The following MBNL2 variants were observed in gnomAD, a reference collection of about 807,000 sequenced individuals.
The protein encoded by MBNL2 is muscleblind like splicing regulator 2, also known as muscleblind-like protein 2.
In MBNL2, 17 loss-of-function variants were observed where a neutral mutation model predicts 41.9. That is an observed-to-expected ratio of 0.41 (90% CI 0.28 to 0.61). MBNL2 has a LOEUF of 0.61. Ranked by LOEUF, MBNL2 falls within the 20% of genes least tolerant of loss-of-function variation. The pLI is 0.35. For missense variants in MBNL2, 336 were observed against 505.6 expected, an observed-to-expected ratio of 0.66 and a Z score of 3.22; for synonymous variants, 195 against 182.9, an observed-to-expected ratio of 1.07 and a Z score of -0.53.
the MBNL2 span, among the ~76,000 whole-genome samples, chr13:97,207,552 C>A: frequency 6.6e-6 from 1 of 152,268 alleles, no homozygotes; most frequent in South Asian, 2.1e-4. Context: ...GTCATGAGAA[C>A]AGCACGGGAA....
At position 97,393,057 on chromosome 13, in the gene MBNL2, G is replaced by A. The variant is rs1438945341; in HGVS notation, c.*1608G>A. The A allele has an allele frequency of 1.3e-5, 2 of 152,374 alleles. No individual in the cohort carries two copies. Among genetic ancestry groups the A allele is most frequent in the African/African-American group, 4.8e-5 (2 of 41,430 alleles). The allele number at this position is 152,374 out of a possible 1,614,324, so 9.4% of individuals were successfully genotyped here. A position where few individuals can be genotyped will look rare whatever the true frequency, so the allele number is the denominator to read the frequency against. On this transcript the variant is annotated 3_prime_UTR_variant, in exon 9 of 9. Coordinates refer to ENST00000679496, the MANE Select transcript of MBNL2 (RefSeq NM_001382683.1). Reference sequence around the variant, plus strand: ...TCTATTTATCTTATATCGTAGATCTGATAACCCTATCTAAAAGAAAGTCAC... The same window carrying A: ...TCTATTTATCTTATATCGTAGATCTAATAACCCTATCTAAAAGAAAGTCAC...
chr13:97,357,990 T>G (rs2063120880), intron 7 of MBNL2, among the ~76,000 whole-genome samples: 1 of 152,174 alleles, frequency 6.6e-6, no homozygotes, highest in African/African-American at 2.4e-5. Flanking sequence ...GACCTAAAAA[T>G]AGCAATTCCA....
chr13:97,159,094 T>C, the MBNL2 span, among the ~76,000 whole-genome samples: 1 of 152,110 alleles, frequency 6.6e-6, no homozygotes, highest in African/African-American at 2.4e-5. Flanking sequence ...ATTGGGTGCA[T>C]ATATATTTAT....
At chr13:97,295,607 A>G (rs2056888917) in intron 2 of MBNL2, among the ~76,000 whole-genome samples, 1 of 152,202 alleles carries the variant, frequency 6.6e-6, no homozygotes, top group South Asian at 2.1e-4. Context: ...CGTGCACCGT[A>G]GTAATCTTTA....
intron 1 of MBNL2, among the ~76,000 whole-genome samples, chr13:97,231,227 A>T (rs556781765): frequency 2.1e-4 from 32 of 152,318 alleles, no homozygotes; most frequent in African/African-American, 7.5e-4. Context: ...GTCACACCAG[A>T]CACCTACCAT....
intron 8 of MBNL2, among the ~76,000 whole-genome samples, chr13:97,377,329 T>G (rs1266789269): frequency 6.6e-6 from 1 of 152,216 alleles, no homozygotes; most frequent in African/African-American, 2.4e-5. Flanking sequence ...TTAACTGACC[T>G]TAGTCAAGTT....
chr13:97,294,675 C>T (rs2056749754), intron 2 of MBNL2, among the ~76,000 whole-genome samples: 1 of 152,142 alleles, frequency 6.6e-6, no homozygotes, highest in Non-Finnish European at 1.5e-5. Context: ...ATTTAGAAAA[C>T]ATTACTTGAA....
At chr13:97,209,780 A>T in the MBNL2 span, among the ~76,000 whole-genome samples, 1 of 152,144 alleles carries the variant, frequency 6.6e-6, no homozygotes, top group African/African-American at 2.4e-5. Context: ...AAAAAAAGAC[A>T]CTGACTTCTT....
In MBNL2 at chr13:97,392,686, GT is replaced by G. The variant is rs1452500237; in HGVS notation, c.*1240del. 1.3e-5 allele frequency: 2 copies of G among 152,266 alleles called. No individual in the cohort carries two copies. Among genetic ancestry groups the G allele is most frequent in the Non-Finnish European group, 2.9e-5 (2 of 67,874 alleles). The allele number at this position is 152,266 out of a possible 1,614,324, so 9.4% of individuals were successfully genotyped here. ...GATACAATTAAATTTTGTTCAGAAA[GT>G]TTGTTTTAAAGTTTATTTTAAGCAC... On this transcript the variant is annotated 3_prime_UTR_variant, in exon 9 of 9. Transcript: ENST00000679496.
the MBNL2 span, among the ~76,000 whole-genome samples, chr13:97,164,909 G>A: frequency 6.6e-6 from 1 of 152,110 alleles, no homozygotes; most frequent in Non-Finnish European, 1.5e-5. Context: ...TCCATTCTTA[G>A]AAAAAGAAAA....
chr13:97,326,125 C>T (rs1319052288), intron 2 of MBNL2, among the ~76,000 whole-genome samples: 1 of 151,762 alleles, frequency 6.6e-6, no homozygotes, highest in African/African-American at 2.4e-5. Context: ...TGGAATGATG[C>T]TCTACACCTA....
the MBNL2 span, among the ~76,000 whole-genome samples, chr13:97,160,979 A>G: frequency 6.6e-6 from 1 of 152,170 alleles, no homozygotes; most frequent in East Asian, 1.9e-4. Flanking sequence ...TTTTGAAGAT[A>G]TTTGTTGGTT....
intron 7 of MBNL2, among the ~76,000 whole-genome samples, chr13:97,363,397 G>C (rs1260094519): frequency 6.6e-6 from 1 of 150,912 alleles, no homozygotes; most frequent in Non-Finnish European, 1.5e-5. Context: ...AGTAGACAAA[G>C]GGAGTTGCCA....
intron 2 of MBNL2, among the ~76,000 whole-genome samples, chr13:97,314,302 ATCT>A (rs988873154): frequency 8.3e-4 from 126 of 152,228 alleles, no homozygotes; most frequent in African/African-American, 2.7e-3. Flanking sequence ...TCCCTTTGAG[ATCT>A]TCTTTGTTCA....
intron 5 of MBNL2, among the ~76,000 whole-genome samples, chr13:97,347,859 T>C (rs909489559): frequency 1.3e-5 from 2 of 152,132 alleles, no homozygotes; most frequent in African/African-American, 4.8e-5. Context: ...ATCCTCAGCC[T>C]CACCCCAGAC....
At chr13:97,277,995 C>T (rs2052520721) in intron 2 of MBNL2, among the ~76,000 whole-genome samples, 1 of 151,874 alleles carries the variant, frequency 6.6e-6, no homozygotes, top group African/African-American at 2.4e-5. Context: ...GTGGCTCACA[C>T]CTGTAATCCC....
chr13:97,348,133 G>T (rs2062067324), intron 5 of MBNL2, among the ~76,000 whole-genome samples: 1 of 147,394 alleles, frequency 6.8e-6, no homozygotes, highest in South Asian at 2.2e-4. Context: ...GGAGTGCAGT[G>T]GAATGATCAT....
intron 8 of MBNL2, among the ~76,000 whole-genome samples, chr13:97,371,506 G>A (rs2064374886): frequency 6.6e-6 from 1 of 152,138 alleles, no homozygotes; most frequent in Non-Finnish European, 1.5e-5. Flanking sequence ...ATCCGTTTGT[G>A]GGAGCGGCTG....
intron 2 of MBNL2, among the ~76,000 whole-genome samples, chr13:97,314,085 C>G (rs887017516): frequency 2.0e-5 from 3 of 152,116 alleles, no homozygotes; most frequent in Non-Finnish European, 4.4e-5. Flanking sequence ...GTAAGGGTCA[C>G]CATCTGGTCA....
Sources: gnomAD v4.1 joint callset for allele counts (sites outside exome capture counted in the v4.1 genomes callset) on GRCh38, gnomAD v4.1.1 for gene constraint, MANE v1.5 for transcripts, NCBI Gene and HGNC (gene_info 2026-07-23, HGNC 2026-07-21) for gene names.